The following NTM variants were observed in gnomAD, a reference collection of about 807,000 sequenced individuals.
The protein encoded by NTM is neurotrimin.
In NTM, 13 loss-of-function variants were observed where a neutral mutation model predicts 42.1. The ratio of observed to expected loss-of-function variants is 0.31; its 90% CI spans 0.20 to 0.49. The LOEUF (loss-of-function observed/expected upper bound fraction) is 0.49, where lower values mean the gene tolerates loss of function less well. NTM is among the 20% of genes least tolerant of loss of function. NTM has a pLI of 0.99. For missense variants in NTM, 373 were observed against 452.8 expected (o/e 0.82, Z 1.60); for synonymous variants, 187 against 179.2 (o/e 1.04, Z -0.35).
At chr11:131,798,822 C>A (rs928976135) in intron 1 of NTM, among the ~76,000 whole-genome samples, 2 of 152,178 alleles carry the variant, frequency 1.3e-5, no homozygotes, top group African/African-American at 4.8e-5. Flanking sequence ...GTACTGGCAC[C>A]TGCCTTGGGT....
intron 1 of NTM, among the ~76,000 whole-genome samples, chr11:131,837,559 T>C (rs769777167): frequency 4.7e-4 from 72 of 152,298 alleles, no homozygotes; most frequent in Non-Finnish European, 8.8e-4. Context: ...TTTTCTAAGA[T>C]GAAACAGATC....
intron 3 of NTM, among the ~76,000 whole-genome samples, chr11:132,182,395 A>G (rs2138070067): frequency 6.6e-6 from 1 of 152,316 alleles, no homozygotes; most frequent in Non-Finnish European, 1.5e-5. Context: ...ACTGCAGATC[A>G]TGCTCACTCA....
intron 1 of NTM, among the ~76,000 whole-genome samples, chr11:131,733,318 T>G (rs1233258625): frequency 6.6e-6 from 1 of 152,208 alleles, no homozygotes. Context: ...TTATGATGGA[T>G]AGTCCAGTCC....
chr11:132,063,274 A>G (rs1044857294), intron 2 of NTM, among the ~76,000 whole-genome samples: 1 of 151,812 alleles, frequency 6.6e-6, no homozygotes, highest in Admixed American at 6.5e-5. Context: ...TTAAATTTCA[A>G]TGCATGAATT....
intron 4 of NTM, among the ~76,000 whole-genome samples, chr11:132,256,261 A>T (rs2092460338): frequency 6.6e-6 from 1 of 152,174 alleles, no homozygotes; most frequent in Admixed American, 6.5e-5. Context: ...GCAGCCCTTC[A>T]TTGAGGAAGA....
chr11:132,206,940 T>C (rs1405793348), intron 3 of NTM, among the ~76,000 whole-genome samples: 4 of 152,344 alleles, frequency 2.6e-5, no homozygotes, highest in Non-Finnish European at 4.4e-5. Context: ...TATTCAACTC[T>C]CTGGAATGTT....
chr11:132,088,305 C>T (rs983515887), intron 2 of NTM, among the ~76,000 whole-genome samples: 1 of 152,088 alleles, frequency 6.6e-6, no homozygotes, highest in African/African-American at 2.4e-5. Flanking sequence ...TGAGAAAGCT[C>T]AGAAATGAAA....
chr11:131,524,531 CAGA>C (rs1294387283), intron 1 of NTM, among the ~76,000 whole-genome samples: 2 of 152,206 alleles, frequency 1.3e-5, no homozygotes, highest in East Asian at 1.9e-4. Context: ...AGGATAAGCA[CAGA>C]AGAACAGTTT....
chr11:131,411,413 T>C (rs1946388040), intron 1 of NTM, among the ~76,000 whole-genome samples: 1 of 152,076 alleles, frequency 6.6e-6, no homozygotes, highest in Non-Finnish European at 1.5e-5. Context: ...GACAATAATC[T>C]ACCCTCAACA....
chr11:132,090,659 T>A (rs1800709845), intron 2 of NTM, among the ~76,000 whole-genome samples: 1 of 151,782 alleles, frequency 6.6e-6, no homozygotes, highest in African/African-American at 2.4e-5. Flanking sequence ...CTACTTTTCC[T>A]CAATCCCTTA....
chr11:131,498,208 TCAGA>T (rs1955551742), intron 1 of NTM, among the ~76,000 whole-genome samples: 1 of 152,160 alleles, frequency 6.6e-6, no homozygotes, highest in East Asian at 1.9e-4. Context: ...GGCTCTGCAG[TCAGA>T]CAGACCCAAG....
In NTM at chr11:132,311,521, C is replaced by T. The variant is rs766863632; in HGVS notation, c.782+1289C>T. Among the ~76,000 whole-genome samples the T allele has an allele frequency of 2.2e-4, 34 of 152,220 alleles. No individual in the cohort carries two copies. In the East Asian group the frequency reaches 4.3e-3, roughly 19 times the overall value. ...GAAAGAAGAATCAAGCAGACTGGAG[C>T]GTGTTTTTCTGATAAATATGGTTTC... On this transcript the variant is annotated intron_variant, in intron 6 of 8. Transcript: ENST00000683400.
At chr11:131,500,135 A>G (rs890594440) in intron 1 of NTM, among the ~76,000 whole-genome samples, 1 of 152,166 alleles carries the variant, frequency 6.6e-6, no homozygotes, top group Non-Finnish European at 1.5e-5. Flanking sequence ...ACGGGCTCCA[A>G]ACCCCACAGT....
At chr11:132,331,352 T>A (rs1221072125) in intron 8 of NTM, among the ~76,000 whole-genome samples, 1 of 152,178 alleles carries the variant, frequency 6.6e-6, no homozygotes, top group African/African-American at 2.4e-5. Flanking sequence ...TTTGCTTCTA[T>A]GTAGATAGAC....
chr11:132,286,796 A>G (rs895019020), intron 4 of NTM, among the ~76,000 whole-genome samples: 1 of 152,202 alleles, frequency 6.6e-6, no homozygotes, highest in African/African-American at 2.4e-5. Context: ...ACAATGGTGT[A>G]TCCAATGAGA....
chr11:132,206,720 A>G (rs2082043186), intron 3 of NTM, among the ~76,000 whole-genome samples: 1 of 152,134 alleles, frequency 6.6e-6, no homozygotes, highest in Non-Finnish European at 1.5e-5. Context: ...TGCCCATGCA[A>G]TTCTGTCCCA....
intron 1 of NTM, among the ~76,000 whole-genome samples, chr11:131,804,901 TC>T (rs2092393857): frequency 6.6e-6 from 1 of 152,112 alleles, no homozygotes; most frequent in Admixed American, 6.5e-5. Context: ...CTTCTGACCT[TC>T]CTGCCATGGA....
At chr11:131,693,457 T>C (rs2075040923) in intron 1 of NTM, among the ~76,000 whole-genome samples, 1 of 152,094 alleles carries the variant, frequency 6.6e-6, no homozygotes, top group African/African-American at 2.4e-5. Context: ...ATTTTTATCA[T>C]CAAGACAGGT....
chr11:131,666,997 A>C (rs1313184737), intron 1 of NTM, among the ~76,000 whole-genome samples: 2 of 152,146 alleles, frequency 1.3e-5, no homozygotes, highest in South Asian at 4.1e-4. Context: ...TTGGAGGCCT[A>C]GGGGACCCTA....
Sources: gnomAD v4.1 joint callset for allele counts (sites outside exome capture counted in the v4.1 genomes callset) on GRCh38, gnomAD v4.1.1 for gene constraint, MANE v1.5 for transcripts, NCBI Gene and HGNC (gene_info 2026-07-23, HGNC 2026-07-21) for gene names.